EML6: variants seen among roughly 807,000 people sequenced by gnomAD.
EML6 encodes the protein echinoderm microtubule-associated protein-like 6.
Under a neutral mutation model 240.1 loss-of-function variants are expected in EML6, and 154 were observed. The ratio of observed to expected loss-of-function variants is 0.64; its 90% CI spans 0.56 to 0.73. The LOEUF (loss-of-function observed/expected upper bound fraction) is 0.73, where lower values mean the gene tolerates loss of function less well. Among genes scored for constraint, EML6 ranks in the 30% least tolerant of loss-of-function variants. EML6 has a pLI of 0.00. For synonymous variants in EML6, 1,148 were observed against 899.0 expected (o/e 1.28, Z -4.95); for missense variants, 2,964 against 2,474.6 (o/e 1.20, Z -4.20).
chr2:54,917,997 G>A (rs1444742146), intron 26 of EML6, among the ~76,000 whole-genome samples: 3 of 152,122 alleles, frequency 2.0e-5, no homozygotes, highest in African/African-American at 7.2e-5. Flanking sequence ...AACTAAAATG[G>A]CATTGGCCCT....
chr2:54,815,391 C>T (rs1668039166), intron 3 of EML6, among the ~76,000 whole-genome samples: 1 of 152,166 alleles, frequency 6.6e-6, no homozygotes, highest in Non-Finnish European at 1.5e-5. Context: ...TTAGAAATGA[C>T]AAATGGTCCA....
rs937829523 is a variant in EML6, at chr2:54,913,091, T to A, written c.3498+2049T>A. Among the ~76,000 whole-genome samples, 4 of 147,854 alleles carry A rather than the reference T, an allele frequency of 2.7e-5. No individual in the cohort carries two copies. The East Asian group carries it at 7.8e-4, about 29-fold the overall frequency. ...ATTCTGTTTTTTTTTTTTTTTTTTT[T>A]ACTTTTAATAATAGCCATTCTGAAG... On this transcript the variant is annotated intron_variant, in intron 25 of 41. Transcript: ENST00000356458.
intron 2 of EML6, among the ~76,000 whole-genome samples, chr2:54,781,549 A>G (rs1668858624): frequency 6.6e-6 from 1 of 152,224 alleles, no homozygotes; most frequent in Non-Finnish European, 1.5e-5. Flanking sequence ...CAGTACTGAC[A>G]AATCATTGAA....
At chr2:54,951,005 A>G (rs1235676384) in intron 30 of EML6, among the ~76,000 whole-genome samples, 2 of 152,134 alleles carry the variant, frequency 1.3e-5, no homozygotes, top group East Asian at 1.9e-4. Context: ...CATAGGCCCT[A>G]GAGAGAAGGC....
intron 2 of EML6, chr2:54,747,259 C>T (rs948808560): frequency 2.0e-5 from 3 of 152,202 alleles, no homozygotes; most frequent in African/African-American, 7.2e-5. Context: ...AATTAGAACA[C>T]CCTATGCAGT....
At chr2:54,963,961 G>C (rs1676638139) in intron 36 of EML6, 25 bp from the exon 37 acceptor site, 1 of 1,538,740 alleles carries the variant, frequency 6.5e-7, no homozygotes. Context: ...AAGAGCTCAG[G>C]TGACTTTCCT....
At chr2:54,939,149 A>C (rs1675298620) in intron 28 of EML6, among the ~76,000 whole-genome samples, 1 of 152,254 alleles carries the variant, frequency 6.6e-6, no homozygotes, top group African/African-American at 2.4e-5. Flanking sequence ...TCAAATTCTG[A>C]GATCTTGTTG....
intron 41 of EML6, among the ~76,000 whole-genome samples, chr2:54,969,157 ACTC>A (rs1676881445): frequency 6.6e-6 from 1 of 151,930 alleles, no homozygotes; most frequent in South Asian, 2.1e-4. Flanking sequence ...CCTTTTAAGA[ACTC>A]CCAGTTGATC....
At position 54,827,582 on chromosome 2, in the gene EML6, G is replaced by C; in HGVS notation, c.542G>C (p.Gly181Ala). The change falls in exon 6 of 42, where the codon GGA (glycine) becomes GCA (alanine). Residue 181 changes from glycine (G) to alanine (A), a missense_variant. Transcript: ENST00000356458. ...ACATTGTAGTTTTGGACACTGTGTGGAAATGCCCTGACTGCAAAAAGAGGG... is the reference window on the plus strand; with the variant it reads ...ACATTGTAGTTTTGGACACTGTGTGCAAATGCCCTGACTGCAAAAAGAGGG... ...VKHIKFWTLC[G>A]NALTAKRGIF... The C allele has an allele frequency of 6.4e-7, 1 of 1,551,544 alleles. No individual in the cohort carries two copies. Among genetic ancestry groups the C allele is most frequent in the Non-Finnish European group, 8.7e-7 (1 of 1,146,960 alleles).
At chr2:54,953,851 C>T in intron 31 of EML6, 132 bp from the exon 32 acceptor site, 1 of 699,794 alleles carries the variant, frequency 1.4e-6, no homozygotes, top group Non-Finnish European at 2.3e-6. Context: ...GGTGCCACTG[C>T]ACTCTGGCCT....
chr2:54,805,597 G>GT (rs934448803), intron 2 of EML6, among the ~76,000 whole-genome samples: 11 of 151,738 alleles, frequency 7.2e-5, no homozygotes, highest in East Asian at 5.8e-4. Context: ...TGATTTTGTT[G>GT]TTTTTTTCTT....
At chr2:54,753,967 T>A (rs1413763575) in intron 2 of EML6, among the ~76,000 whole-genome samples, 4 of 151,806 alleles carry the variant, frequency 2.6e-5, no homozygotes, top group Non-Finnish European at 5.9e-5. Flanking sequence ...ACTCCCTGTC[T>A]CTACTAAAAA....
At chr2:54,795,816 A>G (rs354944) in intron 2 of EML6, among the ~76,000 whole-genome samples, 44,180 of 152,112 alleles carry the variant, frequency 0.29, 6,783 homozygotes, top group Admixed American at 0.39. Context: ...ACGCTGATGA[A>G]TGCAGAGGCA....
At chr2:54,919,253 CCA>C (rs1491250509) in intron 26 of EML6, among the ~76,000 whole-genome samples, 2 of 145,840 alleles carry the variant, frequency 1.4e-5, no homozygotes, top group African/African-American at 5.0e-5. Flanking sequence ...CCCCCCCCCC[CCA>C]ATCCTTTTCA....
At chr2:54,792,744 T>A (rs1669521324) in intron 2 of EML6, among the ~76,000 whole-genome samples, 1 of 152,316 alleles carries the variant, frequency 6.6e-6, no homozygotes, top group Middle Eastern at 3.4e-3. Context: ...CCTAATACTA[T>A]GGGCACTTTG....
At chr2:54,968,361 C>A in intron 40 of EML6, 80 bp downstream of exon 40, 1 of 1,330,574 alleles carries the variant, frequency 7.5e-7, no homozygotes, top group Non-Finnish European at 1.1e-6. Flanking sequence ...TCTAGATGGC[C>A]CTCTGGGAGA....
At chr2:54,868,011 C>G (rs1671061239) in intron 14 of EML6, 1 of 152,066 alleles carries the variant, frequency 6.6e-6, no homozygotes, top group African/African-American at 2.4e-5. Flanking sequence ...TAAAATACGG[C>G]TATTCTGAAA....
rs141792037 is a variant in EML6 at position 54,793,844 on chromosome 2, C to A, written c.198-19388C>A. Reference sequence around the variant, plus strand: ...ATGCAGCTGTGATGGCTGGAACTCCCTGGAACTCCAGCCTAGGTCTTTTCT... The same window carrying A: ...ATGCAGCTGTGATGGCTGGAACTCCATGGAACTCCAGCCTAGGTCTTTTCT... On this transcript the variant is annotated intron_variant, in intron 2 of 41. Transcript: ENST00000356458. 2.1e-4 allele frequency among the ~76,000 whole-genome samples: 32 copies of A among 152,014 alleles called. No homozygotes were observed. The East Asian group carries it at 6.0e-3, about 28-fold the overall frequency.
At chr2:54,750,932 T>A (rs1000751767) in intron 2 of EML6, among the ~76,000 whole-genome samples, 2 of 152,006 alleles carry the variant, frequency 1.3e-5, no homozygotes, top group Admixed American at 6.6e-5. Context: ...CCAATTTTTT[T>A]AAAAAGGGGA....
Sources: gnomAD v4.1 joint callset for allele counts (sites outside exome capture counted in the v4.1 genomes callset) on GRCh38, gnomAD v4.1.1 for gene constraint, MANE v1.5 for transcripts, NCBI Gene and HGNC (gene_info 2026-07-23, HGNC 2026-07-21) for gene names.